Variants in AIG1 observed in about 807,000 individuals in gnomAD.
The protein encoded by AIG1 is androgen induced 1, also known as androgen-induced gene 1 protein.
In AIG1, 23 loss-of-function variants were observed where a neutral mutation model predicts 31.4. The observed-to-expected ratio is 0.73, with a 90% CI of 0.53 to 1.04. The LOEUF (loss-of-function observed/expected upper bound fraction) is 1.04, where lower values mean the gene tolerates loss of function less well. Among genes scored for constraint, AIG1 ranks in the 50% least tolerant of loss-of-function variants. The probability of loss-of-function intolerance (pLI) is 0.00; values close to 1 mark genes in which losing one functional copy is unlikely to be tolerated. For missense variants in AIG1, 274 were observed against 295.0 expected (o/e 0.93, Z 0.52); for synonymous variants, 100 against 110.5 (o/e 0.90, Z 0.60).
At chr6:143,088,080 G>A (rs1393703014) in intron 1 of AIG1, among the ~76,000 whole-genome samples, 5 of 152,092 alleles carry the variant, frequency 3.3e-5, no homozygotes, top group East Asian at 1.9e-4. Context: ...GGATAGAATC[G>A]GCATGGCTGA....
intron 1 of AIG1, among the ~76,000 whole-genome samples, chr6:143,095,816 A>G (rs556639851): frequency 2.0e-5 from 3 of 152,120 alleles, no homozygotes; most frequent in African/African-American, 7.2e-5. Flanking sequence ...AGTAGAAATG[A>G]TATAAAACTA....
chr6:143,236,865 A>G (rs1052204256), intron 3 of AIG1, among the ~76,000 whole-genome samples: 12 of 152,252 alleles, frequency 7.9e-5, no homozygotes, highest in Admixed American at 5.9e-4. Context: ...CCAAAAAAAT[A>G]GACAACCATA....
chr6:143,241,898 G>A (rs537218839), intron 3 of AIG1, among the ~76,000 whole-genome samples: 1 of 152,332 alleles, frequency 6.6e-6, no homozygotes, highest in South Asian at 2.1e-4. Flanking sequence ...TTCAGGCTGT[G>A]TGTATAAGGC....
intron 3 of AIG1, among the ~76,000 whole-genome samples, chr6:143,227,144 A>G (rs17072327): frequency 0.048 from 7,279 of 152,230 alleles, 449 homozygotes; most frequent in African/African-American, 0.14. Context: ...CTGAACTTCT[A>G]TCATCAAATT....
chr6:143,333,291 G>T lies in AIG1; in HGVS notation c.525G>T (p.Trp175Cys). Reference sequence around the variant, plus strand: ...TCCGATTCTTTTGCAGGGTGTGCTGGGTGCATCATGTAACTGGCATGTGGG... The same window carrying T: ...TCCGATTCTTTTGCAGGGTGTGCTGTGTGCATCATGTAACTGGCATGTGGG... ...FSVGYILWVC[W>C]VHHVTGMWVY... Residue 175 changes from tryptophan to cysteine, a missense_variant, in exon 5 of 6, where the codon TGG becomes TGT. By Grantham distance (215) the Trp-to-Cys change is radical. Around this residue, in one of 2 missense-constraint regions of AIG1, gnomAD observed 243 missense variants for 238.5 expected, o/e 1.02. Coordinates refer to ENST00000357847, the MANE Select transcript of AIG1 (RefSeq NM_016108.4). The surrounding 1 kb of genome is among the most constrained non-coding windows in gnomAD (Gnocchi z 4.6). 1 of 1,611,206 alleles carries T rather than the reference G, an allele frequency of 6.2e-7. No homozygotes were observed. Among genetic ancestry groups the T allele is most frequent in the Non-Finnish European group, 8.5e-7 (1 of 1,178,938 alleles).
At chr6:143,308,213 C>T (rs949345386) in intron 4 of AIG1, among the ~76,000 whole-genome samples, 1 of 152,224 alleles carries the variant, frequency 6.6e-6, no homozygotes. Flanking sequence ...GCTGCACCCA[C>T]TGTCCTGTGC....
intron 3 of AIG1, among the ~76,000 whole-genome samples, chr6:143,266,346 CAAAA>C (rs398002969): frequency 1.1e-5 from 1 of 93,220 alleles, no homozygotes; most frequent in Non-Finnish European, 2.2e-5. Flanking sequence ...GAGTCCGTCT[CAAAA>C]AAAAAAAAAA....
chr6:143,096,996 T>G (rs2128480539), intron 1 of AIG1, among the ~76,000 whole-genome samples: 1 of 152,336 alleles, frequency 6.6e-6, no homozygotes, highest in East Asian at 1.9e-4. Flanking sequence ...ATAGCTTGAC[T>G]GTAATCAACA....
intron 1 of AIG1, among the ~76,000 whole-genome samples, chr6:143,099,945 G>T (rs1780104453): frequency 6.6e-6 from 1 of 152,214 alleles, no homozygotes; most frequent in Non-Finnish European, 1.5e-5. Context: ...AAACACAAGG[G>T]TCAATGGCAG....
intron 1 of AIG1, among the ~76,000 whole-genome samples, chr6:143,084,486 C>T (rs1778583897): frequency 6.6e-6 from 1 of 152,106 alleles, no homozygotes; most frequent in African/African-American, 2.4e-5. Flanking sequence ...TTTTCTTATC[C>T]CGTTTGTCCC....
At chr6:143,110,931 C>T (rs1490301135) in intron 1 of AIG1, among the ~76,000 whole-genome samples, 3 of 152,116 alleles carry the variant, frequency 2.0e-5, no homozygotes, top group African/African-American at 7.2e-5. Flanking sequence ...AGGTTATATC[C>T]TGGATTTACC....
At chr6:143,218,631 A>C (rs1792218575) in intron 3 of AIG1, among the ~76,000 whole-genome samples, 1 of 152,156 alleles carries the variant, frequency 6.6e-6, no homozygotes, top group Non-Finnish European at 1.5e-5. Flanking sequence ...CCACCACAAA[A>C]ACTTGAGTGT....
intron 3 of AIG1, among the ~76,000 whole-genome samples, chr6:143,261,976 C>T (rs907412228): frequency 3.9e-5 from 6 of 152,206 alleles, no homozygotes; most frequent in African/African-American, 1.4e-4. Context: ...TTTCAGAAAG[C>T]ATTTGAGTTA....
At chr6:143,080,308 C>T (rs777616828) in intron 1 of AIG1, among the ~76,000 whole-genome samples, 13 of 152,036 alleles carry the variant, frequency 8.6e-5, no homozygotes, top group Non-Finnish European at 1.5e-4. Context: ...CAGGGGTCCG[C>T]GGTAGATCTT....
intron 1 of AIG1, among the ~76,000 whole-genome samples, chr6:143,102,102 A>G (rs1344557049): frequency 6.6e-6 from 1 of 152,148 alleles, no homozygotes; most frequent in Non-Finnish European, 1.5e-5. Flanking sequence ...GCTGTTGTAG[A>G]ATATGTTCAT....
intron 2 of AIG1, among the ~76,000 whole-genome samples, chr6:143,157,451 C>T (rs1419277746): frequency 7.4e-5 from 10 of 134,700 alleles, no homozygotes; most frequent in South Asian, 4.6e-4. Context: ...TTTTTTTTTC[C>T]TTTTTTTTTT....
At chr6:143,310,207 A>G (rs1422626679) in intron 4 of AIG1, among the ~76,000 whole-genome samples, 1 of 151,966 alleles carries the variant, frequency 6.6e-6, no homozygotes, top group Non-Finnish European at 1.5e-5. Context: ...ACTCAAGCTT[A>G]TGTAGGACAT....
intron 3 of AIG1, among the ~76,000 whole-genome samples, chr6:143,190,857 G>A (rs1192246535): frequency 1.3e-5 from 2 of 152,158 alleles, no homozygotes; most frequent in African/African-American, 2.4e-5. Context: ...TAGAGGTCTT[G>A]ACAATGCTTT....
chr6:143,168,938 C>T (rs548908712), intron 3 of AIG1, among the ~76,000 whole-genome samples: 1 of 151,854 alleles, frequency 6.6e-6, no homozygotes, highest in Non-Finnish European at 1.5e-5. Flanking sequence ...TTTTGTGAAA[C>T]TTTCCATTAT....
Sources: gnomAD v4.1 joint callset for allele counts (sites outside exome capture counted in the v4.1 genomes callset) on GRCh38, gnomAD v4.1.1 for gene constraint, gnomAD v4.1.1 regional missense constraint, Gnocchi (gnomAD v3.1) non-coding constraint, MANE v1.5 for transcripts, NCBI Gene and HGNC (gene_info 2026-07-23, HGNC 2026-07-21) for gene names.